The following TEX2 variants were observed in gnomAD, a reference collection of about 807,000 sequenced individuals.
The protein encoded by TEX2 is testis expressed 2, also known as testis-expressed protein 2.
Under a neutral mutation model 106.9 loss-of-function variants are expected in TEX2, and 53 were observed. That is an observed-to-expected ratio of 0.50 (90% confidence interval 0.40 to 0.62). The LOEUF (loss-of-function observed/expected upper bound fraction) is 0.62. Among genes scored for constraint, TEX2 ranks in the 20% least tolerant of loss-of-function variants. The probability of loss-of-function intolerance (pLI) is 0.00; values close to 1 mark genes in which losing one functional copy is unlikely to be tolerated. For missense variants in TEX2, 1,207 were observed against 1,379.0 expected (o/e 0.88, Z 1.98); for synonymous variants, 523 against 534.8 (o/e 0.98, Z 0.30).
At chr17:64,174,634 C>T in intron 6 of TEX2, among the ~76,000 whole-genome samples, 1 of 152,166 alleles carries the variant, frequency 6.6e-6, no homozygotes, top group East Asian at 1.9e-4. Flanking sequence ...CATTCTTTAC[C>T]CTCTGGAGTA....
At chr17:64,149,235 A>G (rs2030217576) in intron 11 of TEX2, 144 bp from the exon 12 acceptor site, 8 of 785,788 alleles carry the variant, frequency 1.0e-5, no homozygotes, top group Non-Finnish European at 1.6e-5. Flanking sequence ...TAATTCTCCC[A>G]CCATACATAC....
At chr17:64,172,679 A>G (rs1598137849) in intron 6 of TEX2, among the ~76,000 whole-genome samples, 1 of 152,200 alleles carries the variant, frequency 6.6e-6, no homozygotes, top group South Asian at 2.1e-4. Flanking sequence ...AACAGCTCCC[A>G]CTTCTGCTAG....
intron 4 of TEX2, 96 bp downstream of exon 4, chr17:64,193,463 G>GCCTCCTTC: frequency 1.0e-6 from 1 of 993,984 alleles, no homozygotes; most frequent in Non-Finnish European, 1.4e-6. Context: ...TTCAGGGTGG[G>GCCTCCTTC]CTTCCTTCCT....
intron 2 of TEX2, among the ~76,000 whole-genome samples, chr17:64,207,005 G>T (rs2032856274): frequency 6.6e-6 from 1 of 152,102 alleles, no homozygotes; most frequent in South Asian, 2.1e-4. Flanking sequence ...GGTCTTTTTG[G>T]TTTGTCATCC....
chr17:64,198,413 C>T (rs1555629648), intron 2 of TEX2, among the ~76,000 whole-genome samples: 2 of 151,320 alleles, frequency 1.3e-5, no homozygotes, highest in Non-Finnish European at 2.9e-5. Flanking sequence ...GTTGTTTATG[C>T]TTGCAGAGCT....
chr17:64,261,768 C>G (rs1223172508), intron 1 of TEX2, among the ~76,000 whole-genome samples: 1 of 152,184 alleles, frequency 6.6e-6, no homozygotes, highest in Non-Finnish European at 1.5e-5. Context: ...CCACTCTATC[C>G]ACATCACCTC....
At chr17:64,152,768 T>G (rs1363160393) in intron 10 of TEX2, among the ~76,000 whole-genome samples, 177 bp downstream of exon 10, 1 of 152,220 alleles carries the variant, frequency 6.6e-6, no homozygotes, top group Non-Finnish European at 1.5e-5. Context: ...AATTCACCAC[T>G]CACAGAAGAA....
intron 1 of TEX2, among the ~76,000 whole-genome samples, chr17:64,245,568 A>G (rs1598223835): frequency 6.6e-6 from 1 of 152,210 alleles, no homozygotes; most frequent in African/African-American, 2.4e-5. Context: ...TTAAAAAGTA[A>G]TAATAATAAA....
At chr17:64,157,766 A>G (rs920528534) in intron 8 of TEX2, among the ~76,000 whole-genome samples, 1 of 152,250 alleles carries the variant, frequency 6.6e-6, no homozygotes, top group African/African-American at 2.4e-5. Context: ...AGTGCCCAGA[A>G]CACCAGGGGC....
At chr17:64,154,066 A>G (rs2030493362) in intron 9 of TEX2, among the ~76,000 whole-genome samples, 2 of 152,240 alleles carry the variant, frequency 1.3e-5, no homozygotes, top group African/African-American at 4.8e-5. Flanking sequence ...AATCCCCCAC[A>G]GTTCCAGAAC....
intron 1 of TEX2, among the ~76,000 whole-genome samples, chr17:64,249,038 G>GA (rs200334858): frequency 0.039 from 4,751 of 122,908 alleles, 118 homozygotes; most frequent in South Asian, 0.11. Context: ...TTGTCTCAAA[G>GA]AAAAAAAAAA....
At chr17:64,255,236 G>C (rs1336568817) in intron 1 of TEX2, among the ~76,000 whole-genome samples, 1 of 151,960 alleles carries the variant, frequency 6.6e-6, no homozygotes, top group Non-Finnish European at 1.5e-5. Flanking sequence ...AGACTAACTG[G>C]TCATCTTGAA....
At chr17:64,234,662 T>C (rs542647560) in intron 1 of TEX2, among the ~76,000 whole-genome samples, 2 of 152,098 alleles carry the variant, frequency 1.3e-5, no homozygotes, top group East Asian at 1.9e-4. Flanking sequence ...CCTCAGCTTG[T>C]TGGGAGAAAG....
intron 1 of TEX2, among the ~76,000 whole-genome samples, chr17:64,252,316 TA>T (rs1255123238): frequency 2.6e-5 from 4 of 152,136 alleles, no homozygotes; most frequent in Non-Finnish European, 4.4e-5. Context: ...ACCTCTCCAA[TA>T]AATCCAAGTT....
In TEX2 at chr17:64,213,364, G is replaced by A; in HGVS notation, c.854C>T (p.Ala285Val). ...GCGTCGTTTAGTATCTTCAATTTTA[G>A]CCTCCATTTCGGGCACTTTAAAAAA... Reference protein sequence around the residue: ...RSFFKVPEMEAKIEDTKRRLS... With the variant: ...RSFFKVPEMEVKIEDTKRRLS... The change falls in exon 2 of 12, where the codon GCT becomes GTT. Residue 285 changes from alanine (A) to valine (V), a missense_variant. Ala to Val is a moderately conservative substitution (Grantham distance 64, BLOSUM62 0). This residue lies in a region of TEX2 where 1,067 missense variants were observed against 1,193.6 expected (regional missense o/e 0.89). Coordinates refer to ENST00000584379, the MANE Select transcript of TEX2 (RefSeq NM_001288732.2). The surrounding 1 kb of genome is among the most constrained non-coding windows in gnomAD (Gnocchi z 4.4). 6.2e-7 allele frequency: 1 copy of A among 1,613,978 alleles called. No individual in the cohort carries two copies. The highest frequency in any genetic ancestry group is 8.5e-7 in the Non-Finnish European group (1 of 1,180,028).
intron 1 of TEX2, among the ~76,000 whole-genome samples, chr17:64,236,224 A>G (rs1256850682): frequency 6.6e-6 from 1 of 152,178 alleles, no homozygotes; most frequent in Non-Finnish European, 1.5e-5. Flanking sequence ...TATAACAGCT[A>G]TTTACATAGT....
At chr17:64,172,717 GT>G (rs2031463674) in intron 6 of TEX2, among the ~76,000 whole-genome samples, 1 of 152,074 alleles carries the variant, frequency 6.6e-6, no homozygotes, top group East Asian at 1.9e-4. Flanking sequence ...CTCCCTACGA[GT>G]TTTTCTCCAT....
intron 2 of TEX2, 39 bp downstream of exon 2, chr17:64,212,535 G>C: frequency 6.6e-7 from 1 of 1,521,730 alleles, no homozygotes. Context: ...CTGTATGTGA[G>C]AAGTGTGTGT....
chr17:64,193,926 G>T, intron 3 of TEX2, 37 bp from the exon 4 acceptor site: 1 of 1,447,194 alleles, frequency 6.9e-7, no homozygotes, highest in Non-Finnish European at 9.2e-7. Context: ...ATATATTAAA[G>T]ATTGGCTACA....
Sources: gnomAD v4.1 joint callset for allele counts (sites outside exome capture counted in the v4.1 genomes callset) on GRCh38, gnomAD v4.1.1 for gene constraint, gnomAD v4.1.1 regional missense constraint, Gnocchi (gnomAD v3.1) non-coding constraint, MANE v1.5 for transcripts, NCBI Gene and HGNC (gene_info 2026-07-23, HGNC 2026-07-21) for gene names.